Variants in RIMS1 observed in about 807,000 individuals in gnomAD.
RIMS1 encodes regulating synaptic membrane exocytosis protein 1.
RIMS1 carries 83 observed loss-of-function variants against 214.1 expected under a neutral mutation model. The ratio of observed to expected loss-of-function variants is 0.39; its 90% CI spans 0.32 to 0.47. The LOEUF (loss-of-function observed/expected upper bound fraction) is 0.47. Ranked by LOEUF, RIMS1 falls within the 20% of genes least tolerant of loss-of-function variation. The pLI is 0.99. For synonymous variants in RIMS1, 793 were observed against 786.8 expected, an observed-to-expected ratio of 1.01 and a Z score of -0.13; for missense variants, 2,050 against 2,161.8, an observed-to-expected ratio of 0.95 and a Z score of 1.03.
intron 2 of RIMS1, among the ~76,000 whole-genome samples, chr6:72,015,645 G>C (rs1264043215): frequency 6.6e-6 from 1 of 152,102 alleles, no homozygotes; most frequent in Non-Finnish European, 1.5e-5. Context: ...TGTCTCTGCT[G>C]GCCAGGCGCG....
At chr6:72,065,982 T>C (rs1327844189) in intron 2 of RIMS1, among the ~76,000 whole-genome samples, 1 of 152,188 alleles carries the variant, frequency 6.6e-6, no homozygotes, top group Non-Finnish European at 1.5e-5. Context: ...TTATATTGTT[T>C]TGGGAATACT....
intron 2 of RIMS1, among the ~76,000 whole-genome samples, chr6:71,991,200 T>G (rs1801465751): frequency 6.6e-6 from 1 of 152,174 alleles, no homozygotes; most frequent in Non-Finnish European, 1.5e-5. Context: ...ATGCCTTCCT[T>G]TAAATTGCAG....
intron 6 of RIMS1, among the ~76,000 whole-genome samples, chr6:72,229,898 A>G (rs1403784915): frequency 1.3e-5 from 2 of 151,820 alleles, no homozygotes; most frequent in African/African-American, 2.4e-5. Flanking sequence ...CCACGTGTCA[A>G]TATCTTACCT....
chr6:72,361,401 G>A (rs915388897), intron 29 of RIMS1, among the ~76,000 whole-genome samples: 21 of 151,532 alleles, frequency 1.4e-4, no homozygotes, highest in Admixed American at 7.2e-4. Flanking sequence ...CCACTGCACC[G>A]GCTGCTATTA....
chr6:72,366,782 T>C (rs779734056), intron 29 of RIMS1: 12 of 985,706 alleles, frequency 1.2e-5, no homozygotes, highest in Non-Finnish European at 1.3e-5. Context: ...ACAAGTTATT[T>C]AAACCAGGTC....
At chr6:71,963,180 A>C (rs910888208) in intron 1 of RIMS1, among the ~76,000 whole-genome samples, 1 of 152,146 alleles carries the variant, frequency 6.6e-6, no homozygotes, top group Non-Finnish European at 1.5e-5. Flanking sequence ...TTCATCTTTT[A>C]AGTATTAAAG....
At chr6:72,270,376 T>C (rs2082440907) in intron 22 of RIMS1, among the ~76,000 whole-genome samples, 1 of 152,222 alleles carries the variant, frequency 6.6e-6, no homozygotes, top group African/African-American at 2.4e-5. Flanking sequence ...TTTTTAATGT[T>C]ATAATTTCTA....
chr6:72,034,907 T>C (rs1819188112), intron 2 of RIMS1, among the ~76,000 whole-genome samples: 1 of 152,216 alleles, frequency 6.6e-6, no homozygotes, highest in Non-Finnish European at 1.5e-5. Context: ...AGCAAATTAA[T>C]TGAATACAAG....
intron 19 of RIMS1, among the ~76,000 whole-genome samples, chr6:72,264,271 AGACAGTCCAG>A (rs1156766168): frequency 2.0e-5 from 3 of 152,206 alleles, no homozygotes; most frequent in Non-Finnish European, 4.4e-5. Context: ...TTCATGGCAT[AGACAGTCCAG>A]AAACCCTCAC....
intron 6 of RIMS1, among the ~76,000 whole-genome samples, chr6:72,205,291 T>A (rs1038060784): frequency 3.9e-5 from 6 of 152,074 alleles, no homozygotes; most frequent in African/African-American, 1.4e-4. Context: ...GCAACATCAA[T>A]AACATCAATA....
chr6:72,345,722 G>A (rs1359019153), intron 29 of RIMS1, among the ~76,000 whole-genome samples: 1 of 151,798 alleles, frequency 6.6e-6, no homozygotes, highest in Non-Finnish European at 1.5e-5. Flanking sequence ...ATCACGGGAT[G>A]CTTGTACTAG....
intron 29 of RIMS1, among the ~76,000 whole-genome samples, chr6:72,369,010 T>G (rs1050718138): frequency 6.6e-6 from 1 of 150,504 alleles, no homozygotes; most frequent in Non-Finnish European, 1.5e-5. Context: ...TGTAACCAGC[T>G]TGGTTGGAGC....
intron 21 of RIMS1, 58 bp from the exon 22 acceptor site, chr6:72,265,902 C>T (rs1472223256): frequency 1.6e-6 from 2 of 1,251,624 alleles, no homozygotes; most frequent in East Asian, 5.1e-5. Flanking sequence ...CATGGTCTTC[C>T]TTTCTTTGTT....
At chr6:72,047,606 G>A (rs1323421587) in intron 2 of RIMS1, among the ~76,000 whole-genome samples, 1 of 151,870 alleles carries the variant, frequency 6.6e-6, no homozygotes, top group African/African-American at 2.4e-5. Context: ...TAAACTGTGC[G>A]GGCTAGTTTG....
At chr6:72,385,867 T>G (rs780630731) in intron 29 of RIMS1, among the ~76,000 whole-genome samples, 1 of 152,252 alleles carries the variant, frequency 6.6e-6, no homozygotes, top group Non-Finnish European at 1.5e-5. Flanking sequence ...TAGAACTGTT[T>G]ATTGAGCTTC....
chr6:72,058,036 T>G (rs1826817788), intron 2 of RIMS1, among the ~76,000 whole-genome samples: 1 of 152,220 alleles, frequency 6.6e-6, no homozygotes, highest in South Asian at 2.1e-4. Flanking sequence ...ACAAAATATT[T>G]CCAACCATCT....
chr6:72,208,635 C>G (rs2053315549), intron 6 of RIMS1, among the ~76,000 whole-genome samples: 1 of 152,150 alleles, frequency 6.6e-6, no homozygotes, highest in Non-Finnish European at 1.5e-5. Context: ...GAAAAGCACT[C>G]AAAAGGTCTC....
chr6:72,150,921 C>G (rs1251187899), intron 4 of RIMS1, among the ~76,000 whole-genome samples: 1 of 152,108 alleles, frequency 6.6e-6, no homozygotes, highest in Non-Finnish European at 1.5e-5. Flanking sequence ...TAATTGCAGA[C>G]AGAATTATTG....
intron 26 of RIMS1, among the ~76,000 whole-genome samples, chr6:72,297,232 G>A (rs1033166515): frequency 1.3e-5 from 2 of 151,840 alleles, no homozygotes; most frequent in Non-Finnish European, 2.9e-5. Flanking sequence ...CCATCTTGCT[G>A]CATTTTTATG....
Sources: allele counts gnomAD v4.1 joint callset (sites outside exome capture counted in the v4.1 genomes callset), GRCh38; gene constraint gnomAD v4.1.1; transcripts MANE v1.5; gene names NCBI Gene and HGNC (gene_info 2026-07-23, HGNC 2026-07-21).